Variants in CCDC7 observed in about 807,000 individuals in gnomAD.
CCDC7 encodes coiled-coil domain-containing protein 7.
A neutral mutation model predicts 196.9 loss-of-function variants in CCDC7; 183 were observed. That is an observed-to-expected ratio of 0.93 (90% confidence interval 0.82 to 1.05). The LOEUF is 1.05. CCDC7 is among the 50% of genes least tolerant of loss of function. The probability of loss-of-function intolerance (pLI) is 0.00; values close to 1 mark genes in which losing one functional copy is unlikely to be tolerated. For missense variants in CCDC7, 1,540 were observed against 1,482.2 expected (o/e 1.04, Z -0.64); for synonymous variants, 525 against 484.6 (o/e 1.08, Z -1.10).
At chr10:32,833,952 T>C (rs1268016065) in intron 32 of CCDC7, among the ~76,000 whole-genome samples, 1 of 152,116 alleles carries the variant, frequency 6.6e-6, no homozygotes, top group Non-Finnish European at 1.5e-5. Flanking sequence ...CCACAAAACT[T>C]GAGGCCCGGT....
chr10:32,758,647 A>G (rs982992898), intron 28 of CCDC7, among the ~76,000 whole-genome samples: 2 of 152,172 alleles, frequency 1.3e-5, no homozygotes, highest in African/African-American at 4.8e-5. Context: ...ATCATACTGA[A>G]TGGGCAAAAA....
intron 24 of CCDC7, among the ~76,000 whole-genome samples, chr10:32,698,449 C>G (rs1565184603): frequency 6.6e-6 from 1 of 151,932 alleles, no homozygotes; most frequent in Non-Finnish European, 1.5e-5. Flanking sequence ...AAGCTAAAAA[C>G]CTTGAAAAAA....
intron 15 of CCDC7, among the ~76,000 whole-genome samples, chr10:32,569,472 G>A (rs1187643057): frequency 6.6e-6 from 1 of 151,986 alleles, no homozygotes; most frequent in African/African-American, 2.4e-5. Flanking sequence ...TATTGCCCAG[G>A]CCAGAGTGCA....
At chr10:32,823,422 G>A (rs1396682647) in intron 31 of CCDC7, among the ~76,000 whole-genome samples, 2 of 152,200 alleles carry the variant, frequency 1.3e-5, no homozygotes, top group East Asian at 1.9e-4. Flanking sequence ...TTACAGGCAT[G>A]AGCCACTGCA....
In CCDC7 at chr10:32,619,910, C is replaced by CTTTTTTTTTTTT. The variant is rs56089046; in HGVS notation, c.1802-14325_1802-14314dup. Among the ~76,000 whole-genome samples the CTTTTTTTTTTTT allele has an allele frequency of 2.1e-3, 166 of 79,272 alleles. 22 individuals carry two copies. Among genetic ancestry groups the CTTTTTTTTTTTT allele is most frequent in the African/African-American group, 0.01 (156 of 15,304 alleles). 52.0% of individuals were successfully genotyped at this position (79,272 alleles called of 152,430 possible). A position where few individuals can be genotyped will look rare whatever the true frequency, so the allele number is the denominator to read the frequency against. On this transcript the variant is annotated intron_variant, in intron 18 of 41. Transcript: ENST00000639629. ...CACTGCTCCCAGCCCTTCAATGTACCTTTTTTTTTTTTTTTTTTTTTTTTT... is the reference window on the plus strand; with the variant it reads ...CACTGCTCCCAGCCCTTCAATGTACCTTTTTTTTTTTTTTTTTTTTTTTTTTTTTTTTTTTTT...
intron 25 of CCDC7, among the ~76,000 whole-genome samples, chr10:32,717,896 A>T (rs1459552333): frequency 2.5e-4 from 1 of 4,012 alleles, no homozygotes; most frequent in Non-Finnish European, 1.1e-3. Context: ...ATAGCCTACC[A>T]AAAAAAAAAA....
intron 18 of CCDC7, among the ~76,000 whole-genome samples, chr10:32,620,383 A>G (rs1191548931): frequency 2.6e-5 from 4 of 152,006 alleles, no homozygotes; most frequent in African/African-American, 9.7e-5. Flanking sequence ...TACTCTACTG[A>G]TGTTGCCAGA....
At chr10:32,658,411 AGT>A (rs2070449078) in intron 20 of CCDC7, among the ~76,000 whole-genome samples, 1 of 150,718 alleles carries the variant, frequency 6.6e-6, no homozygotes, top group Admixed American at 6.7e-5. Context: ...AGGAGAGAGA[AGT>A]GCTGTGCAAA....
At chr10:32,478,356 G>C (rs1397904262) in intron 8 of CCDC7, among the ~76,000 whole-genome samples, 1 of 152,072 alleles carries the variant, frequency 6.6e-6, no homozygotes, top group Non-Finnish European at 1.5e-5. Flanking sequence ...AAATAGCATG[G>C]TAAAAATGGG....
intron 18 of CCDC7, among the ~76,000 whole-genome samples, chr10:32,592,865 T>TA (rs1379271720): frequency 1.3e-5 from 2 of 152,172 alleles, no homozygotes; most frequent in Non-Finnish European, 2.9e-5. Context: ...CATGTCCCTA[T>TA]AAAGGACATG....
intron 18 of CCDC7, among the ~76,000 whole-genome samples, chr10:32,597,144 T>C (rs1762519): frequency 0.92 from 139,727 of 152,186 alleles, 65,286 homozygotes; most frequent in East Asian, 1. Flanking sequence ...CCATTCTCCC[T>C]GTTACTTTCA....
intron 18 of CCDC7, among the ~76,000 whole-genome samples, chr10:32,589,066 T>C (rs549517382): frequency 6.6e-6 from 1 of 152,284 alleles, no homozygotes; most frequent in South Asian, 2.1e-4. Context: ...TATTATTGAC[T>C]ATAGTCACCC....
At chr10:32,617,798 A>G (rs1015913361) in intron 18 of CCDC7, among the ~76,000 whole-genome samples, 5 of 151,982 alleles carry the variant, frequency 3.3e-5, no homozygotes, top group African/African-American at 4.8e-5. Context: ...GTAAATGTCT[A>G]TTAAGTCCAT....
intron 18 of CCDC7, among the ~76,000 whole-genome samples, chr10:32,613,139 T>C (rs2062374458): frequency 6.6e-6 from 1 of 152,040 alleles, no homozygotes; most frequent in Non-Finnish European, 1.5e-5. Flanking sequence ...TTTTTCCTGG[T>C]TTAGTCTTGG....
At chr10:32,464,555 G>T (rs1035134841) in intron 5 of CCDC7, among the ~76,000 whole-genome samples, 1 of 152,044 alleles carries the variant, frequency 6.6e-6, no homozygotes, top group Non-Finnish European at 1.5e-5. Flanking sequence ...GGTTGCCCTG[G>T]CTGGACTGCA....
At chr10:32,686,582 T>G (rs2076491675) in intron 22 of CCDC7, among the ~76,000 whole-genome samples, 1 of 152,158 alleles carries the variant, frequency 6.6e-6, no homozygotes, top group African/African-American at 2.4e-5. Flanking sequence ...GCCTTTTTGG[T>G]AACTTTAAAA....
exon 23 of CCDC7, chr10:32,882,799 C>T (rs1298482976): frequency 6.6e-6 from 1 of 152,092 alleles, no homozygotes; most frequent in Non-Finnish European, 1.5e-5. Flanking sequence ...TACTTCTATT[C>T]GCCAGTGTCC....
chr10:32,692,851 C>T (rs1281221545), intron 23 of CCDC7, among the ~76,000 whole-genome samples: 1 of 152,138 alleles, frequency 6.6e-6, no homozygotes, highest in Non-Finnish European at 1.5e-5. Flanking sequence ...TGTGAGTGGG[C>T]ATGGGATGGG....
At chr10:32,497,706 G>A (rs2043133984) in intron 9 of CCDC7, among the ~76,000 whole-genome samples, 1 of 152,190 alleles carries the variant, frequency 6.6e-6, no homozygotes, top group Non-Finnish European at 1.5e-5. Flanking sequence ...TTGGTTTTGA[G>A]TAAGTTTCTT....
Sources: gnomAD v4.1 joint callset for allele counts (sites outside exome capture counted in the v4.1 genomes callset) on GRCh38, gnomAD v4.1.1 for gene constraint, MANE v1.5 for transcripts, NCBI Gene and HGNC (gene_info 2026-07-23, HGNC 2026-07-21) for gene names.